The following NT5C2 variants were observed in gnomAD, a reference collection of about 807,000 sequenced individuals.
The protein encoded by NT5C2 is cytosolic purine 5'-nucleotidase.
NT5C2 carries 58 observed loss-of-function variants against 76.1 expected under a neutral mutation model. The ratio of observed to expected loss-of-function variants is 0.76; its 90% CI spans 0.62 to 0.95. The LOEUF is 0.95. Among genes scored for constraint, NT5C2 ranks in the 40% least tolerant of loss-of-function variants. The probability of loss-of-function intolerance (pLI) is 0.00; values close to 1 mark genes in which losing one functional copy is unlikely to be tolerated. For missense variants in NT5C2, 478 were observed against 690.3 expected (o/e 0.69, Z 3.45); for synonymous variants, 229 against 237.4 (o/e 0.96, Z 0.32).
At chr10:103,090,487 C>T in intron 18 of NT5C2, 124 bp downstream of exon 18, 3 of 804,084 alleles carry the variant, frequency 3.7e-6, no homozygotes, top group Non-Finnish European at 5.8e-6. Context: ...AACCATATAA[C>T]CTGCCCCTGG....
chr10:103,145,252 A>G (rs911139311), intron 3 of NT5C2, among the ~76,000 whole-genome samples: 1 of 152,210 alleles, frequency 6.6e-6, no homozygotes, highest in Non-Finnish European at 1.5e-5. Flanking sequence ...GCAGCCTTAA[A>G]GCATGAAATA....
chr10:103,172,377 T>C (rs1476855008), intron 3 of NT5C2, among the ~76,000 whole-genome samples: 1 of 150,132 alleles, frequency 6.7e-6, no homozygotes, highest in Admixed American at 6.6e-5. Context: ...GCCTCCCGAG[T>C]AGCTGGGACT....
chr10:103,178,870 G>A (rs1342345018), intron 2 of NT5C2, among the ~76,000 whole-genome samples: 13 of 150,028 alleles, frequency 8.7e-5, no homozygotes, highest in Non-Finnish European at 1.6e-4. Context: ...CAACCCTTGG[G>A]GTTGCTCTGT....
intron 4 of NT5C2, 31 bp from the exon 5 acceptor site, chr10:103,106,737 C>G: frequency 8.1e-7 from 1 of 1,230,716 alleles, no homozygotes; most frequent in African/African-American, 1.5e-5. Context: ...CATTAGTTAG[C>G]AGAAAGAACA....
chr10:103,111,439 T>C (rs955897919), intron 4 of NT5C2, among the ~76,000 whole-genome samples: 4 of 152,226 alleles, frequency 2.6e-5, no homozygotes, highest in African/African-American at 9.6e-5. Flanking sequence ...CATTTAAAGA[T>C]ATTCTTTACT....
chr10:103,151,201 C>T (rs768900747), intron 3 of NT5C2, among the ~76,000 whole-genome samples: 4 of 152,030 alleles, frequency 2.6e-5, no homozygotes, highest in African/African-American at 9.7e-5. Context: ...CAGTGGCTCA[C>T]GCCTGTAATC....
intron 3 of NT5C2, chr10:103,169,469 A>T (rs946760310): frequency 6.6e-6 from 1 of 152,112 alleles, no homozygotes; most frequent in African/African-American, 2.4e-5. Flanking sequence ...CAATACAAAG[A>T]TTAGACAGGT....
chr10:103,168,680 G>A (rs2134422982), intron 3 of NT5C2, among the ~76,000 whole-genome samples: 1 of 152,256 alleles, frequency 6.6e-6, no homozygotes, highest in East Asian at 1.9e-4. Flanking sequence ...TGAAGAAGGA[G>A]CAACAGTCAT....
chr10:103,091,489 G>A, intron 16 of NT5C2, 75 bp downstream of exon 16: 1 of 1,155,064 alleles, frequency 8.7e-7, no homozygotes, highest in Non-Finnish European at 1.3e-6. Context: ...GGGATTACTG[G>A]CCTGGAAAGA....
Position 103,094,423 on chromosome 10 carries a change from G to A in NT5C2, c.846C>T (p.Tyr282=). Residue 282 remains tyrosine, a synonymous_variant, in exon 13 of 19, where the codon TAC becomes TAT. Transcript: ENST00000404739. ...GTGCATCCACCAAGATCAAGTCAAAGTAGGACTGCCATGGTCGATGGGAGC... is the reference window on the plus strand; with the variant it reads ...GTGCATCCACCAAGATCAAGTCAAAATAGGACTGCCATGGTCGATGGGAGC... ...PGSSHRPWQS[Y]FDLILVDARK... 2 of 1,613,678 alleles carry A rather than the reference G, an allele frequency of 1.2e-6. No individual in the cohort carries two copies. Among genetic ancestry groups the A allele is most frequent in the African/African-American group, 2.7e-5 (2 of 74,992 alleles).
intron 1 of NT5C2, among the ~76,000 whole-genome samples, chr10:103,191,824 A>C (rs1020691714): frequency 6.6e-6 from 1 of 152,194 alleles, no homozygotes; most frequent in Non-Finnish European, 1.5e-5. Context: ...ATACTGTTGA[A>C]ATGTAGTGGT....
rs549822092 is a variant in NT5C2 at position 103,144,490 on chromosome 10, A to G, written c.102-5011T>C. On this transcript the variant is annotated intron_variant, in intron 3 of 18. Transcript: ENST00000404739. The stretch of plus-strand genomic sequence containing the variant: ...AAGTACCAGCTTCTTTCTTTGTTAG[A>G]AAAGAGATTAAGCTTGTACTGTCAT... 3.9e-5 allele frequency among the ~76,000 whole-genome samples: 6 copies of G among 152,352 alleles called. No homozygotes were observed. In the South Asian group the frequency reaches 1.2e-3, roughly 32 times the overall value.
chr10:103,192,200 G>T (rs1485963996), intron 1 of NT5C2, among the ~76,000 whole-genome samples: 1 of 152,096 alleles, frequency 6.6e-6, no homozygotes, highest in South Asian at 2.1e-4. Context: ...GCTTGAAGAG[G>T]CGAAATGAAT....
chr10:103,115,120 G>C (rs567940632), intron 4 of NT5C2, among the ~76,000 whole-genome samples: 30 of 152,314 alleles, frequency 2.0e-4, no homozygotes, highest in African/African-American at 7.2e-4. Context: ...ATAGCCTTTG[G>C]CTGGGCGCGG....
chr10:103,179,492 A>C (rs1318128881), intron 2 of NT5C2, among the ~76,000 whole-genome samples: 1 of 151,124 alleles, frequency 6.6e-6, no homozygotes, highest in African/African-American at 2.4e-5. Context: ...CACAAACAAC[A>C]ACTGCACCCA....
At position 103,097,371 on chromosome 10, in the gene NT5C2, T is replaced by C; in HGVS notation, c.691A>G (p.Lys231Glu). 6.2e-7 allele frequency: 1 copy of C among 1,612,704 alleles called. No individual in the cohort carries two copies. Among genetic ancestry groups the C allele is most frequent in the Non-Finnish European group, 8.5e-7 (1 of 1,178,960 alleles). ...NLEKYVVKDGKLPLLLSRMKE... is the reference protein window; with the variant it reads ...NLEKYVVKDGELPLLLSRMKE... ...ATCCGGCTCAGAAGCAAAGGCAGTT[T>C]TCCCTGAAATGTAATTGGATAATGA... The change falls in exon 11 of 19, where the codon AAA (lysine) becomes GAA (glutamate). Residue 231 changes from lysine to glutamate, a missense_variant. Transcript: ENST00000404739.
chr10:103,089,530 T>C lies in NT5C2; in HGVS notation c.*142A>G, dbSNP rs903717068. ...AAACCAAAACAAGTATCTATGATAA[T>C]AAAATCTTCAGAAACTTTTCAGACG... On this transcript the variant is annotated 3_prime_UTR_variant, in exon 19 of 19. Coordinates refer to ENST00000404739, the MANE Select transcript of NT5C2 (RefSeq NM_001351169.2). 14 of 1,394,300 alleles carry C rather than the reference T, an allele frequency of 1.0e-5. 1 individual carries two copies. Among genetic ancestry groups the C allele is most frequent in the East Asian group, 5.2e-5 (2 of 38,762 alleles). The allele number at this position is 1,394,300 out of a possible 1,614,324, so 86.4% of individuals were successfully genotyped here.
At chr10:103,090,588 T>C (rs1032412434) in intron 18 of NT5C2, 23 bp downstream of exon 18, 1 of 1,602,102 alleles carries the variant, frequency 6.2e-7, no homozygotes, top group Non-Finnish European at 8.5e-7. Context: ...ACATCTTGGC[T>C]GTCCATTACA....
intron 6 of NT5C2, among the ~76,000 whole-genome samples, chr10:103,102,531 CT>C (rs775499358): frequency 2.7e-3 from 394 of 143,678 alleles, no homozygotes; most frequent in Admixed American, 3.7e-3. Context: ...TTTCTTTTTT[CT>C]TTTTTTTTTT....
Sources: gnomAD v4.1 joint callset for allele counts (sites outside exome capture counted in the v4.1 genomes callset) on GRCh38, gnomAD v4.1.1 for gene constraint, MANE v1.5 for transcripts, NCBI Gene and HGNC (gene_info 2026-07-23, HGNC 2026-07-21) for gene names.